The following STX8 variants were observed in gnomAD, a reference collection of about 807,000 sequenced individuals.
STX8 encodes syntaxin-8.
A neutral mutation model predicts 37.5 loss-of-function variants in STX8; 23 were observed. That is an observed-to-expected ratio of 0.61 (90% confidence interval 0.44 to 0.87). The LOEUF (loss-of-function observed/expected upper bound fraction) is 0.87. Among genes scored for constraint, STX8 ranks in the 40% least tolerant of loss-of-function variants. The probability of loss-of-function intolerance (pLI) is 0.00; values close to 1 mark genes in which losing one functional copy is unlikely to be tolerated. For synonymous variants in STX8, 115 were observed against 99.1 expected (o/e 1.16, Z -0.95); for missense variants, 313 against 284.7 (o/e 1.10, Z -0.71).
chr17:9,529,482 C>A (rs1905724064), intron 4 of STX8, among the ~76,000 whole-genome samples: 1 of 152,116 alleles, frequency 6.6e-6, no homozygotes, highest in South Asian at 2.1e-4. Flanking sequence ...AAAGATGATT[C>A]ACAAAGTGAA....
intron 6 of STX8, among the ~76,000 whole-genome samples, chr17:9,470,981 C>A (rs1335169382): frequency 6.7e-6 from 1 of 149,194 alleles, no homozygotes; most frequent in African/African-American, 2.5e-5. Flanking sequence ...GATCCACCTG[C>A]CTCGGCCTCC....
intron 7 of STX8, among the ~76,000 whole-genome samples, chr17:9,357,434 A>G (rs1910922650): frequency 6.6e-6 from 1 of 152,054 alleles, no homozygotes. Context: ...TCACGCCTGT[A>G]ATCCCAGCAC....
At chr17:9,444,340 T>C (rs1904766902) in intron 6 of STX8, among the ~76,000 whole-genome samples, 1 of 152,228 alleles carries the variant, frequency 6.6e-6, no homozygotes, top group South Asian at 2.1e-4. Context: ...GCGCATCTGC[T>C]AGCCCTTGGT....
chr17:9,273,340 G>C (rs1907540320), intron 7 of STX8: 1 of 152,222 alleles, frequency 6.6e-6, no homozygotes, highest in Non-Finnish European at 1.5e-5. Context: ...TTCTTGGAAG[G>C]GAGAGGGCTA....
intron 6 of STX8, among the ~76,000 whole-genome samples, chr17:9,458,700 G>A (rs1404362854): frequency 6.6e-6 from 1 of 152,160 alleles, no homozygotes; most frequent in African/African-American, 2.4e-5. Flanking sequence ...CTGCTTAGAG[G>A]ACTGACTGCT....
At chr17:9,334,553 G>C (rs372220628) in intron 7 of STX8, among the ~76,000 whole-genome samples, 3 of 152,100 alleles carry the variant, frequency 2.0e-5, no homozygotes, top group Non-Finnish European at 4.4e-5. Context: ...TTGCAAAGGC[G>C]GTTTCGGCTT....
chr17:9,285,570 T>G (rs1908044404), intron 7 of STX8, among the ~76,000 whole-genome samples: 1 of 152,140 alleles, frequency 6.6e-6, no homozygotes, highest in Non-Finnish European at 1.5e-5. Context: ...CCCAGAACAT[T>G]ACACACAATG....
In STX8 at chr17:9,384,794, TTGTGTG is replaced by T. The variant is rs59655296; in HGVS notation, c.542-6147_542-6142del. ...GGAACAAAACAGAGTCCAGATAGAC[TTGTGTG>T]TGTGTGTGTGTGTGTGTGTACATGC... On this transcript the variant is annotated intron_variant, in intron 6 of 7. Coordinates refer to ENST00000306357, the MANE Select transcript of STX8 (RefSeq NM_004853.3). 8.1e-5 allele frequency among the ~76,000 whole-genome samples: 12 copies of T among 147,652 alleles called. No individual in the cohort carries two copies. The East Asian group carries it at 1.4e-3, about 17-fold the overall frequency.
intron 6 of STX8, among the ~76,000 whole-genome samples, chr17:9,397,994 AAAAAAAGAAAG>A (rs1390427726): frequency 1.3e-5 from 2 of 148,472 alleles, no homozygotes; most frequent in East Asian, 3.9e-4. Flanking sequence ...TCTCCAAAAA[AAAAAAAGAAAG>A]AAAGAACAAA....
chr17:9,329,588 G>C (rs1384825085), intron 7 of STX8, among the ~76,000 whole-genome samples: 1 of 152,234 alleles, frequency 6.6e-6, no homozygotes, highest in Non-Finnish European at 1.5e-5. Flanking sequence ...ACCTGGGTCT[G>C]AATGGCAGGC....
chr17:9,443,384 A>G (rs1044412278), intron 6 of STX8, among the ~76,000 whole-genome samples: 5 of 152,214 alleles, frequency 3.3e-5, no homozygotes, highest in African/African-American at 1.2e-4. Flanking sequence ...GAGCACAAAG[A>G]TAGACCACAC....
At chr17:9,355,595 C>T (rs1230287902) in intron 7 of STX8, among the ~76,000 whole-genome samples, 2 of 151,740 alleles carry the variant, frequency 1.3e-5, no homozygotes, top group African/African-American at 4.8e-5. Flanking sequence ...CTCCGCCTCC[C>T]GAGTTCAAGC....
chr17:9,361,817 G>A (rs12944498), intron 7 of STX8, among the ~76,000 whole-genome samples: 15,225 of 152,134 alleles, frequency 0.1, 823 homozygotes, highest in Middle Eastern at 0.18. Flanking sequence ...AAGTCAGGAA[G>A]GTAATCTGAT....
intron 6 of STX8, among the ~76,000 whole-genome samples, chr17:9,464,113 G>C (rs1156474723): frequency 1.3e-5 from 2 of 152,104 alleles, no homozygotes; most frequent in Non-Finnish European, 2.9e-5. Flanking sequence ...TTTATCATGA[G>C]ATTGAAATAT....
chr17:9,466,331 G>A (rs1905611965), intron 6 of STX8, among the ~76,000 whole-genome samples: 1 of 152,190 alleles, frequency 6.6e-6, no homozygotes, highest in Non-Finnish European at 1.5e-5. Context: ...TAAAAAGCTT[G>A]TAAATTAGAT....
intron 6 of STX8, 130 bp downstream of exon 6, chr17:9,491,699 G>A (rs916209340): frequency 8.2e-5 from 63 of 766,858 alleles, no homozygotes; most frequent in Non-Finnish European, 1.2e-4. Context: ...ACTCCAATGC[G>A]TTAAACTGTA....
intron 6 of STX8, among the ~76,000 whole-genome samples, chr17:9,436,438 G>A (rs748079299): frequency 4.6e-5 from 7 of 152,042 alleles, no homozygotes; most frequent in Non-Finnish European, 1.0e-4. Flanking sequence ...AGTCAGAAGT[G>A]GGCACGTAGA....
intron 7 of STX8, among the ~76,000 whole-genome samples, chr17:9,369,901 AAAAAAAAAAG>A (rs1911349451): frequency 6.9e-6 from 1 of 145,672 alleles, no homozygotes; most frequent in African/African-American, 2.7e-5. Context: ...AAAAAAAAAA[AAAAAAAAAAG>A]AAAGAAAAAA....
chr17:9,346,143 C>T (rs1168494024), intron 7 of STX8, among the ~76,000 whole-genome samples: 11 of 152,046 alleles, frequency 7.2e-5, no homozygotes, highest in Non-Finnish European at 1.6e-4. Context: ...TGAGCCACCA[C>T]GCCCGGCCGG....
Sources: allele counts gnomAD v4.1 joint callset (sites outside exome capture counted in the v4.1 genomes callset), GRCh38; gene constraint gnomAD v4.1.1; transcripts MANE v1.5; gene names NCBI Gene and HGNC (gene_info 2026-07-23, HGNC 2026-07-21).